The following FAT1 variants were observed in gnomAD, a reference collection of about 807,000 sequenced individuals.
The protein encoded by FAT1 is protocadherin Fat 1.
Under a neutral mutation model 329.8 loss-of-function variants are expected in FAT1, and 171 were observed. The ratio of observed to expected loss-of-function variants is 0.52; its 90% CI spans 0.46 to 0.59. The LOEUF (loss-of-function observed/expected upper bound fraction) is 0.59. Among genes scored for constraint, FAT1 ranks in the 20% least tolerant of loss-of-function variants. The pLI, the probability that FAT1 is intolerant of heterozygous loss-of-function variation, is 0.00. For synonymous variants in FAT1, 2,233 were observed against 2,228.6 expected, an observed-to-expected ratio of 1.00 and a Z score of -0.06; for missense variants, 5,672 against 5,774.4, an observed-to-expected ratio of 0.98 and a Z score of 0.57.
chr4:186,657,285 T>C (rs941879981), intron 3 of FAT1, among the ~76,000 whole-genome samples: 4 of 152,142 alleles, frequency 2.6e-5, no homozygotes, highest in African/African-American at 4.8e-5. Flanking sequence ...TCTATCTATA[T>C]AAAGGATACA....
At chr4:186,665,147 G>C (rs1029225733) in intron 2 of FAT1, among the ~76,000 whole-genome samples, 1 of 152,120 alleles carries the variant, frequency 6.6e-6, no homozygotes, top group Non-Finnish European at 1.5e-5. Context: ...ACAATGATTT[G>C]TTATTGCTTC....
intron 4 of FAT1, among the ~76,000 whole-genome samples, chr4:186,637,494 T>C (rs1740888298): frequency 6.6e-6 from 1 of 152,140 alleles, no homozygotes. Flanking sequence ...TTTATAGGAG[T>C]GGACCTAAAC....
chr4:186,711,976 T>TTGTTTTAGGAGTCACATTA (rs140318594), intron 1 of FAT1, among the ~76,000 whole-genome samples: 2 of 152,192 alleles, frequency 1.3e-5, no homozygotes, highest in Non-Finnish European at 2.9e-5. Flanking sequence ...GCAGTGTCTT[T>TTGTTTTAGGAGTCACATTA]TGTTTTAGGA....
At chr4:186,703,660 A>G (rs1744435040) in intron 2 of FAT1, among the ~76,000 whole-genome samples, 1 of 152,236 alleles carries the variant, frequency 6.6e-6, no homozygotes, top group Non-Finnish European at 1.5e-5. Context: ...TAGGCAAAGA[A>G]GACCCTGGTG....
chr4:186,713,755 C>G (rs929634612), intron 1 of FAT1, among the ~76,000 whole-genome samples: 1 of 152,126 alleles, frequency 6.6e-6, no homozygotes, highest in African/African-American at 2.4e-5. Flanking sequence ...TTTCCGGGCC[C>G]CCGTCTCAGC....
At chr4:186,693,057 G>T (rs1045931398) in intron 2 of FAT1, among the ~76,000 whole-genome samples, 5 of 152,122 alleles carry the variant, frequency 3.3e-5, no homozygotes, top group African/African-American at 4.8e-5. Context: ...CATCCCCCTG[G>T]TATCTCTGCT....
upstream of FAT1, chr4:186,723,923 GGAAACTC>G (rs1745600793): frequency 6.6e-6 from 1 of 151,012 alleles, no homozygotes; most frequent in Non-Finnish European, 1.5e-5. Flanking sequence ...TCTCGGGCGC[GGAAACTC>G]GAGCCCACTT....
intron 2 of FAT1, among the ~76,000 whole-genome samples, chr4:186,675,311 A>T (rs1233629862): frequency 6.6e-6 from 1 of 151,942 alleles, no homozygotes; most frequent in African/African-American, 2.4e-5. Context: ...TTAAGAAAAA[A>T]AAAAAACTAG....
chr4:186,659,592 T>C (rs1742069957), intron 3 of FAT1, among the ~76,000 whole-genome samples: 1 of 151,228 alleles, frequency 6.6e-6, no homozygotes, highest in Non-Finnish European at 1.5e-5. Context: ...TGGGCGCTCC[T>C]GCACTCTACA....
intron 2 of FAT1, among the ~76,000 whole-genome samples, chr4:186,675,117 TAAC>T (rs1445226237): frequency 1.3e-5 from 2 of 152,212 alleles, no homozygotes; most frequent in East Asian, 3.9e-4. Context: ...GGCATTATAC[TAAC>T]AATACTGAAT....
chr4:186,612,690 C>T (rs1189396928), intron 13 of FAT1, among the ~76,000 whole-genome samples: 5 of 152,170 alleles, frequency 3.3e-5, no homozygotes, highest in Non-Finnish European at 5.9e-5. Context: ...TCAAATGCTA[C>T]AAATATACAT....
chr4:186,642,557 C>T (rs1741151051), intron 3 of FAT1, among the ~76,000 whole-genome samples: 1 of 152,230 alleles, frequency 6.6e-6, no homozygotes, highest in Non-Finnish European at 1.5e-5. Context: ...TACAAATCCA[C>T]AGCCCATAAG....
intron 2 of FAT1, among the ~76,000 whole-genome samples, chr4:186,699,200 A>G (rs974829885): frequency 1.3e-5 from 2 of 152,242 alleles, no homozygotes; most frequent in Non-Finnish European, 2.9e-5. Flanking sequence ...TGATAAGAAT[A>G]TGGTTAAATT....
At chr4:186,610,374 A>G (rs1339916514) in intron 14 of FAT1, among the ~76,000 whole-genome samples, 2 of 151,730 alleles carry the variant, frequency 1.3e-5, no homozygotes, top group Middle Eastern at 3.2e-3. Context: ...TAAAAATTCT[A>G]TTGTGTCTTT....
Position 186,618,144 on chromosome 4 carries a change from A to G in FAT1, c.8442T>C (p.Tyr2814=). Residue 2814 remains tyrosine (Y), a synonymous_variant, in exon 10 of 27, where the codon TAT becomes TAC. Coordinates refer to ENST00000441802, the MANE Select transcript of FAT1 (RefSeq NM_005245.4). ...GCAGGTTTTCAACAATGAATGCCTC[A>G]TATGGACTAGATTCAAAGACCGGGC... The part of the protein sequence containing the change: ...DNSPVFESSP[Y]EAFIVENLPG... The G allele has an allele frequency of 3.1e-6, 5 of 1,614,020 alleles. No individual in the cohort carries two copies. The highest frequency in any genetic ancestry group is 4.2e-6 in the Non-Finnish European group (5 of 1,179,882).
rs763633846 is a variant in FAT1, at chr4:186,636,778, G to C, written c.3779C>G (p.Pro1260Arg). The part of the protein sequence containing the change: ...YKIRLPEREK[P>R]DRERNARREP... ...CCGTCTGGCATTTCTTTCTCGGTCTGGCTTTTCCCGCTCAGGGAGTCTGAT... is the reference window on the plus strand; with the variant it reads ...CCGTCTGGCATTTCTTTCTCGGTCTCGCTTTTCCCGCTCAGGGAGTCTGAT... The change falls in exon 5 of 27, where the codon CCA becomes CGA. Residue 1260 changes from proline (P) to arginine (R), a missense_variant. Around this residue, in one of 2 missense-constraint regions of FAT1, gnomAD observed 3,966 missense variants for 3,915.2 expected, o/e 1.01. Transcript: ENST00000441802. 2 of 1,613,936 alleles carry C rather than the reference G, an allele frequency of 1.2e-6. No homozygotes were observed. The highest frequency in any genetic ancestry group is 1.1e-5 in the South Asian group (1 of 91,082).
intron 3 of FAT1, among the ~76,000 whole-genome samples, chr4:186,644,113 T>A (rs972840258): frequency 6.6e-6 from 1 of 152,292 alleles, no homozygotes; most frequent in African/African-American, 2.4e-5. Flanking sequence ...GGAGTAGGAT[T>A]TCGTTCTCTT....
rs545997047 is a variant in FAT1, at chr4:186,621,650, G to C, written c.4936C>G (p.Pro1646Ala). ...CGCACAGAAGTTATTTCACTCATTG[G>C]TGGACTGCCCTTATCTGTAGCTTTT... ...MVKATDKGSPPMSEITSVRIF... is the reference protein window; with the variant it reads ...MVKATDKGSPAMSEITSVRIF... Residue 1646 changes from proline to alanine, a missense_variant, in exon 10 of 27, where the codon CCA becomes GCA. By Grantham distance (27) the Pro-to-Ala change is conservative (BLOSUM62 -1). Coordinates refer to ENST00000441802, the MANE Select transcript of FAT1 (RefSeq NM_005245.4). The C allele has an allele frequency of 2.5e-6, 4 of 1,614,020 alleles. No individual in the cohort carries two copies. The African/African-American group carries it at 5.3e-5, about 22-fold the overall frequency.
chr4:186,640,940 G>A (rs897455591), intron 3 of FAT1, among the ~76,000 whole-genome samples: 3 of 152,210 alleles, frequency 2.0e-5, no homozygotes, highest in African/African-American at 7.2e-5. Flanking sequence ...CACCAGGGCT[G>A]AACGTTCTCC....
Sources: allele counts gnomAD v4.1 joint callset (sites outside exome capture counted in the v4.1 genomes callset), GRCh38; gene constraint gnomAD v4.1.1; regional missense constraint gnomAD v4.1.1; transcripts MANE v1.5; gene names NCBI Gene and HGNC (gene_info 2026-07-23, HGNC 2026-07-21).